NALCN: variants seen among roughly 807,000 people sequenced by gnomAD.
The protein encoded by NALCN is sodium leak channel, non-selective, also known as sodium leak channel NALCN.
NALCN carries 111 observed loss-of-function variants against 225.3 expected under a neutral mutation model. The ratio of observed to expected loss-of-function variants is 0.49; its 90% confidence interval spans 0.42 to 0.58. The LOEUF is 0.58. Among genes scored for constraint, NALCN ranks in the 20% least tolerant of loss-of-function variants. NALCN has a pLI of 0.00. For missense variants in NALCN, 1,378 were observed against 2,202.4 expected, an observed-to-expected ratio of 0.63 and a Z score of 7.49; for synonymous variants, 764 against 769.0, an observed-to-expected ratio of 0.99 and a Z score of 0.11.
chr13:101,143,150 G>C lies in NALCN; in HGVS notation c.2048C>G (p.Thr683Ser). ...GTGGTCGCAGGAGGAGGAAGAGGTG[G>C]TCGGGAGGCTTCTCAGGAGGCAACA... The part of the protein sequence containing the change: ...DTCCLLRSLP[T>S]TSSSSCDHSK... Residue 683 changes from threonine (T) to serine (S), a missense_variant, in exon 17 of 44, where the codon ACC becomes AGC. Around this residue, in one of 19 missense-constraint regions of NALCN, gnomAD observed 100 missense variants for 89.4 expected, o/e 1.12. Transcript: ENST00000251127. 1.2e-6 allele frequency: 2 copies of C among 1,614,124 alleles called. No individual in the cohort carries two copies. The highest frequency in any genetic ancestry group is 1.7e-6 in the Non-Finnish European group (2 of 1,180,018).
At chr13:101,405,999 T>C (rs141484341) in intron 1 of NALCN, among the ~76,000 whole-genome samples, 74 of 152,200 alleles carry the variant, frequency 4.9e-4, no homozygotes, top group African/African-American at 1.8e-3. Flanking sequence ...GGGGTTATTA[T>C]GTGCCAGTCT....
intron 17 of NALCN, among the ~76,000 whole-genome samples, chr13:101,125,800 C>T (rs1459484805): frequency 1.3e-5 from 2 of 152,132 alleles, no homozygotes; most frequent in East Asian, 3.9e-4. Flanking sequence ...AAAGGCGGTA[C>T]TGGGTGAAGG....
At chr13:101,394,513 G>C (rs534082065) in intron 3 of NALCN, among the ~76,000 whole-genome samples, 1 of 152,136 alleles carries the variant, frequency 6.6e-6, no homozygotes, top group African/African-American at 2.4e-5. Context: ...AATACTCTAG[G>C]GACAGCATCA....
At chr13:101,346,060 T>TCC in intron 6 of NALCN, among the ~76,000 whole-genome samples, 1 of 63,608 alleles carries the variant, frequency 1.6e-5, no homozygotes, top group Non-Finnish European at 2.8e-5. Flanking sequence ...AGAGACTTTC[T>TCC]CTCTCTCTCT....
intron 1 of NALCN, among the ~76,000 whole-genome samples, chr13:101,405,876 T>C (rs757690690): frequency 6.6e-6 from 1 of 152,194 alleles, no homozygotes; most frequent in Non-Finnish European, 1.5e-5. Context: ...AAAAGTGCTT[T>C]GGGATACATG....
intron 3 of NALCN, among the ~76,000 whole-genome samples, chr13:101,380,507 T>C (rs1431958826): frequency 3.9e-5 from 6 of 152,180 alleles, no homozygotes; most frequent in African/African-American, 7.2e-5. Flanking sequence ...CATTAAATCA[T>C]GAATTCTGTA....
At chr13:101,165,351 A>G (rs890181666) in intron 15 of NALCN, among the ~76,000 whole-genome samples, 3 of 152,188 alleles carry the variant, frequency 2.0e-5, no homozygotes, top group Non-Finnish European at 2.9e-5. Context: ...GAAGGCCCTG[A>G]GCTTGCTCTT....
Position 101,089,357 on chromosome 13 carries a change from T to C in NALCN, c.3489+306A>G, listed in dbSNP as rs1037875179. On this transcript the variant is annotated intron_variant, in intron 30 of 43. Coordinates refer to ENST00000251127, the MANE Select transcript of NALCN (RefSeq NM_052867.4). The surrounding 1 kb of genome is among the most constrained non-coding windows in gnomAD (Gnocchi z 4.7). Reference sequence around the variant, plus strand: ...GTAATTAGCGAATCACTTTCATCTATTGTATTTTAATAACTTGCTGCCCAT... The same window carrying C: ...GTAATTAGCGAATCACTTTCATCTACTGTATTTTAATAACTTGCTGCCCAT... 2.0e-5 allele frequency among the ~76,000 whole-genome samples: 3 copies of C among 152,228 alleles called. No individual in the cohort carries two copies. The highest frequency in any genetic ancestry group is 4.4e-5 in the Non-Finnish European group (3 of 68,040).
chr13:101,198,944 T>C (rs2040000331), intron 13 of NALCN, among the ~76,000 whole-genome samples: 2 of 152,024 alleles, frequency 1.3e-5, no homozygotes, highest in Non-Finnish European at 2.9e-5. Flanking sequence ...ATATACACCA[T>C]AGAATACTAT....
At position 101,359,027 on chromosome 13, in the gene NALCN, C is replaced by T. The variant is rs115643026; in HGVS notation, c.645-13607G>A. 4.0e-3 allele frequency among the ~76,000 whole-genome samples: 607 copies of T among 151,068 alleles called. 4 individuals are homozygous for T. The highest frequency in any genetic ancestry group is 0.02 in the Middle Eastern group (6 of 294). The stretch of plus-strand genomic sequence containing the variant: ...ATACAACACATACTGGGGTCTGTCG[C>T]GGGGTGAGGGGCAGGGGGAGGGAGA... On this transcript the variant is annotated intron_variant, in intron 6 of 43. Coordinates refer to ENST00000251127, the MANE Select transcript of NALCN (RefSeq NM_052867.4).
At chr13:101,159,995 C>T (rs919329561) in intron 15 of NALCN, among the ~76,000 whole-genome samples, 2 of 152,070 alleles carry the variant, frequency 1.3e-5, no homozygotes, top group African/African-American at 4.8e-5. Flanking sequence ...CATTCTGTCG[C>T]CCAGGCTGAA....
intron 17 of NALCN, 96 bp from the exon 18 acceptor site, chr13:101,124,777 A>T (rs2139700853): frequency 2.9e-6 from 3 of 1,034,310 alleles, no homozygotes; most frequent in Non-Finnish European, 2.9e-6. Flanking sequence ...AACATGAAAC[A>T]TGAATATGTT....
At chr13:101,392,575 T>C (rs1292943569) in intron 3 of NALCN, among the ~76,000 whole-genome samples, 2 of 152,154 alleles carry the variant, frequency 1.3e-5, no homozygotes, top group Non-Finnish European at 2.9e-5. Context: ...AGAGATGTTC[T>C]AGATAAACCA....
At chr13:101,316,396 G>A (rs1382303008) in intron 7 of NALCN, among the ~76,000 whole-genome samples, 1 of 151,988 alleles carries the variant, frequency 6.6e-6, no homozygotes, top group Non-Finnish European at 1.5e-5. Context: ...CACTGGTTAG[G>A]GCGACCTCCT....
intron 17 of NALCN, among the ~76,000 whole-genome samples, chr13:101,136,045 T>A (rs576777549): frequency 3.6e-4 from 55 of 152,330 alleles, no homozygotes; most frequent in Non-Finnish European, 6.8e-4. Context: ...TAAAAATGGT[T>A]ACACAATTAA....
intron 3 of NALCN, among the ~76,000 whole-genome samples, chr13:101,389,736 C>G (rs1007877714): frequency 2.0e-5 from 3 of 152,172 alleles, no homozygotes; most frequent in Non-Finnish European, 4.4e-5. Context: ...AACAACCAAA[C>G]AAACGGATCA....
intron 18 of NALCN, among the ~76,000 whole-genome samples, chr13:101,114,454 G>A (rs1052032098): frequency 5.7e-5 from 8 of 141,196 alleles, no homozygotes; most frequent in East Asian, 4.1e-4. Flanking sequence ...TCTCTCTCTC[G>A]CTGACTTGCT....
rs1277783481 is a variant in NALCN, at chr13:101,103,228, G to A, written c.3001C>T (p.Pro1001Ser). The A allele has an allele frequency of 1.2e-6, 2 of 1,613,776 alleles. No individual in the cohort carries two copies. The highest frequency in any genetic ancestry group is 1.7e-6 in the Non-Finnish European group (2 of 1,179,892). Residue 1001 changes from proline to serine, a missense_variant, in exon 26 of 44, where the codon CCC (proline) becomes TCC (serine). Pro to Ser is a moderately conservative substitution (Grantham distance 74, BLOSUM62 -1). This residue lies in a region of NALCN where 292 missense variants were observed against 409.5 expected (regional missense o/e 0.71). Coordinates refer to ENST00000251127, the MANE Select transcript of NALCN (RefSeq NM_052867.4). ...TCTCGAACAACTTTCCTCATCTGGG[G>A]CACCAGTTTGAATATGCGCAGAGGT... ...LRPLRIFKLV[P>S]QMRKVVRELF...
At chr13:101,266,371 T>G (rs574402119) in intron 10 of NALCN, among the ~76,000 whole-genome samples, 1 of 152,368 alleles carries the variant, frequency 6.6e-6, no homozygotes, top group South Asian at 2.1e-4. Context: ...TATCTTTTTT[T>G]GTGGTATAAA....
Sources: allele counts gnomAD v4.1 joint callset (sites outside exome capture counted in the v4.1 genomes callset), GRCh38; gene constraint gnomAD v4.1.1; regional missense constraint gnomAD v4.1.1; non-coding constraint Gnocchi (gnomAD v3.1); transcripts MANE v1.5; gene names NCBI Gene and HGNC (gene_info 2026-07-23, HGNC 2026-07-21).